WASF2: variants seen among roughly 807,000 people sequenced by gnomAD.
WASF2 encodes the protein actin-binding protein WASF2.
In WASF2, 14 loss-of-function variants were observed where a neutral mutation model predicts 45.0. That is an observed-to-expected ratio of 0.31 (90% CI 0.21 to 0.49). The LOEUF (loss-of-function observed/expected upper bound fraction) is 0.49. Among genes scored for constraint, WASF2 ranks in the 20% least tolerant of loss-of-function variants. The probability of loss-of-function intolerance (pLI) is 0.99; values close to 1 mark genes in which losing one functional copy is unlikely to be tolerated. For missense variants in WASF2, 439 were observed against 636.1 expected (o/e 0.69, Z 3.33); for synonymous variants, 200 against 236.3 (o/e 0.85, Z 1.41).
intron 1 of WASF2, among the ~76,000 whole-genome samples, chr1:27,468,844 G>GT (rs1571159018): frequency 6.6e-6 from 1 of 150,394 alleles, no homozygotes; most frequent in African/African-American, 2.5e-5. Context: ...GCTGGGTGCC[G>GT]TGGTGGAGGC....
chr1:27,458,597 C>A (rs1044194437), intron 1 of WASF2, among the ~76,000 whole-genome samples: 1 of 151,870 alleles, frequency 6.6e-6, no homozygotes, highest in Admixed American at 6.6e-5. Context: ...GAGTTTGAGA[C>A]CAGCCTGGCC....
intron 1 of WASF2, among the ~76,000 whole-genome samples, chr1:27,468,321 G>A (rs2017642548): frequency 6.6e-6 from 1 of 151,634 alleles, no homozygotes; most frequent in South Asian, 2.1e-4. Flanking sequence ...AACAACAGCA[G>A]CAATAACAAA....
At chr1:27,430,535 A>AT (rs2017047360) in intron 1 of WASF2, among the ~76,000 whole-genome samples, 2 of 151,250 alleles carry the variant, frequency 1.3e-5, no homozygotes, top group South Asian at 4.2e-4. Context: ...TAATTTTTGT[A>AT]TTTTTTTGTA....
chr1:27,414,574 G>C lies in WASF2; in HGVS notation c.668+259C>G, dbSNP rs2016803917. Among the ~76,000 whole-genome samples the C allele has an allele frequency of 6.6e-6, 1 of 152,184 alleles. No homozygotes were observed. Among genetic ancestry groups the C allele is most frequent in the Admixed American group, 6.5e-5 (1 of 15,282 alleles). On this transcript the variant is annotated intron_variant, in intron 6 of 8. Transcript: ENST00000618852. The surrounding 1 kb of genome is among the most constrained non-coding windows in gnomAD (Gnocchi z 4.1). Reference sequence around the variant, plus strand: ...GGGGCCCTTAGATGTGTATCTCGCAGAGTAAGGGCACTAGGAGCCATGGGC... The same window carrying C: ...GGGGCCCTTAGATGTGTATCTCGCACAGTAAGGGCACTAGGAGCCATGGGC...
chr1:27,443,964 A>T (rs2017280084), intron 1 of WASF2, among the ~76,000 whole-genome samples: 1 of 152,010 alleles, frequency 6.6e-6, no homozygotes. Flanking sequence ...TATTTTTAGT[A>T]GATATGGCGT....
intron 1 of WASF2, among the ~76,000 whole-genome samples, chr1:27,454,008 CCTTTA>C (rs1216617993): frequency 2.8e-4 from 42 of 151,638 alleles, no homozygotes; most frequent in Middle Eastern, 6.8e-3. Flanking sequence ...TTTACCATTT[CCTTTA>C]CTTTATAGTT....
In WASF2 at chr1:27,428,469, C is replaced by T. The variant is rs148419964; in HGVS notation, c.130+292G>A. On this transcript the variant is annotated intron_variant, in intron 2 of 8. Transcript: ENST00000618852. ...CACACAGAATTCTGCTCTGTCATTC[C>T]GTCTGCAGTTTTTGCTGCAGCCCTT... is the stretch of plus-strand genomic sequence containing the variant. Among the ~76,000 whole-genome samples, 207 of 152,274 alleles carry T rather than the reference C, an allele frequency of 1.4e-3. 1 individual carries two copies. The highest frequency in any genetic ancestry group is 4.5e-3 in the African/African-American group (186 of 41,546).
intron 1 of WASF2, among the ~76,000 whole-genome samples, chr1:27,489,250 G>A (rs996394892): frequency 1.8e-5 from 2 of 111,594 alleles, no homozygotes; most frequent in Non-Finnish European, 3.6e-5. Context: ...TCCTGTACGC[G>A]CGCACACACA....
At position 27,409,772 on chromosome 1, in the gene WASF2, A is replaced by G. The variant is rs759484609; in HGVS notation, c.1259T>C (p.Leu420Pro). The G allele has an allele frequency of 1.2e-5, 19 of 1,543,462 alleles. No homozygotes were observed. The highest frequency in any genetic ancestry group is 3.5e-4 in the Middle Eastern group (2 of 5,702). The stretch of plus-strand genomic sequence containing the variant: ...GGACTTGGGCTTGGTGGTATCAGAA[A>G]GCGGTGGTGGTATAGCAGGCTGGCC... Reference protein sequence around the residue: ...ADGQPAIPPPLSDTTKPKSSL... With the variant: ...ADGQPAIPPPPSDTTKPKSSL... The change falls in exon 8 of 9, where the codon CTT (leucine) becomes CCT (proline). Residue 420 changes from leucine (L) to proline (P), a missense_variant. Physicochemically the swap from Leu to Pro is moderately conservative, Grantham distance 98. This residue lies in a region of WASF2 where 286 missense variants were observed against 373.5 expected (regional missense o/e 0.77). Transcript: ENST00000618852.
intron 1 of WASF2, among the ~76,000 whole-genome samples, chr1:27,440,873 T>G (rs1486965825): frequency 6.7e-6 from 1 of 149,130 alleles, no homozygotes; most frequent in African/African-American, 2.4e-5. Flanking sequence ...TCATAACACT[T>G]TTTTTTTTTT....
chr1:27,488,236 C>G (rs1487480124), intron 1 of WASF2, among the ~76,000 whole-genome samples: 1 of 152,118 alleles, frequency 6.6e-6, no homozygotes, highest in Non-Finnish European at 1.5e-5. Context: ...TCTGATTAAC[C>G]AAAAGCTCTG....
chr1:27,471,650 T>C (rs1361478251), intron 1 of WASF2, among the ~76,000 whole-genome samples: 1 of 151,068 alleles, frequency 6.6e-6, no homozygotes, highest in Admixed American at 6.6e-5. Context: ...ACACAAAGAG[T>C]AGATGACCTC....
In WASF2 at chr1:27,406,455, ACT is replaced by A. The variant is rs1311113117; in HGVS notation, c.*1732_*1733del. The A allele has an allele frequency of 3.9e-5, 6 of 152,286 alleles. No homozygotes were observed. Among genetic ancestry groups the A allele is most frequent in the African/African-American group, 1.2e-4 (5 of 41,348 alleles). The allele number at this position is 152,286 out of a possible 1,614,324, so 9.4% of individuals were successfully genotyped here. A position where few individuals can be genotyped will look rare whatever the true frequency, so the allele number is the denominator to read the frequency against. ...ACAGAGGCAGAACCCATGACTATAC[ACT>A]CTCTCCTCAAGCCGGAGGGCTTTAT... is the stretch of plus-strand genomic sequence containing the variant. On this transcript the variant is annotated 3_prime_UTR_variant, in exon 9 of 9. Transcript: ENST00000618852.
intron 1 of WASF2, among the ~76,000 whole-genome samples, chr1:27,473,315 C>A (rs1279194484): frequency 6.6e-6 from 1 of 151,582 alleles, no homozygotes; most frequent in African/African-American, 2.4e-5. Context: ...CCCGTCTCTA[C>A]TAAAAATACA....
intron 1 of WASF2, among the ~76,000 whole-genome samples, chr1:27,468,805 C>A (rs900228682): frequency 6.6e-6 from 1 of 151,502 alleles, no homozygotes; most frequent in Non-Finnish European, 1.5e-5. Context: ...CATGGTGAAA[C>A]CCCGTCTCTA....
intron 1 of WASF2, among the ~76,000 whole-genome samples, chr1:27,471,660 C>T (rs532384823): frequency 6.6e-6 from 1 of 152,084 alleles, no homozygotes; most frequent in South Asian, 2.1e-4. Context: ...TAGATGACCT[C>T]TCAATACAAA....
At chr1:27,457,044 G>A (rs2017478743) in intron 1 of WASF2, among the ~76,000 whole-genome samples, 1 of 151,738 alleles carries the variant, frequency 6.6e-6, no homozygotes, top group South Asian at 2.1e-4. Context: ...GGTCCTGCCT[G>A]TATTTTTTTC....
chr1:27,447,321 T>C (rs1209752771), intron 1 of WASF2, among the ~76,000 whole-genome samples: 1 of 152,242 alleles, frequency 6.6e-6, no homozygotes, highest in Non-Finnish European at 1.5e-5. Flanking sequence ...AACAGTTCTA[T>C]TTAAAGTACT....
At chr1:27,412,946 G>C (rs1458525649) in intron 6 of WASF2, among the ~76,000 whole-genome samples, 1 of 152,148 alleles carries the variant, frequency 6.6e-6, no homozygotes, top group African/African-American at 2.4e-5. Context: ...ATTGTTTGTA[G>C]TAACAGGATT....
Sources: allele counts gnomAD v4.1 joint callset (sites outside exome capture counted in the v4.1 genomes callset), GRCh38; gene constraint gnomAD v4.1.1; regional missense constraint gnomAD v4.1.1; non-coding constraint Gnocchi (gnomAD v3.1); transcripts MANE v1.5; gene names NCBI Gene and HGNC (gene_info 2026-07-23, HGNC 2026-07-21).